The following PRAG1 variants were observed in gnomAD, a reference collection of about 807,000 sequenced individuals.
PRAG1 encodes the protein inactive tyrosine-protein kinase PRAG1.
PRAG1 carries 110 observed loss-of-function variants against 95.6 expected under a neutral mutation model. That is an observed-to-expected ratio of 1.15 (90% CI 0.99 to 1.35). The LOEUF (loss-of-function observed/expected upper bound fraction) is 1.35, where lower values mean the gene tolerates loss of function less well. Ranked by LOEUF, PRAG1 falls within the 40% of genes most tolerant of loss-of-function variation. PRAG1 has a pLI of 0.00. For missense variants in PRAG1, 2,554 were observed against 1,864.7 expected (o/e 1.37, Z -6.81); for synonymous variants, 1,052 against 819.4 (o/e 1.28, Z -4.85).
chr8:8,342,950 A>T (rs1799220307), intron 3 of PRAG1, among the ~76,000 whole-genome samples: 1 of 152,190 alleles, frequency 6.6e-6, no homozygotes, highest in South Asian at 2.1e-4. Context: ...AAAAGTCACC[A>T]TTAAAAAGTG....
intron 3 of PRAG1, among the ~76,000 whole-genome samples, chr8:8,349,765 C>T (rs1799459961): frequency 6.6e-6 from 1 of 152,064 alleles, no homozygotes; most frequent in Non-Finnish European, 1.5e-5. Context: ...GTCAGATGAC[C>T]TCTGTGGTCC....
At position 8,377,277 on chromosome 8, in the gene PRAG1, G is replaced by A; in HGVS notation, c.1132C>T (p.Gln378Ter). 1 of 1,612,908 alleles carries A rather than the reference G, an allele frequency of 6.2e-7. No homozygotes were observed. The highest frequency in any genetic ancestry group is 8.5e-7 in the Non-Finnish European group (1 of 1,179,962). The change falls in exon 3 of 6, where the codon CAG becomes TAG. Residue 378 changes from glutamine to a stop codon, truncating the protein, a stop_gained. Transcript: ENST00000615670. LOFTEE classifies it high-confidence loss of function. ...LMKEPAPEKQ[Q>*]DPGCPGVTPS... Reference sequence around the variant, plus strand: ...GTCACCCCTGGGCAGCCAGGGTCCTGCTGCTTCTCTGGGGCAGGTTCCTTC... The same window carrying A: ...GTCACCCCTGGGCAGCCAGGGTCCTACTGCTTCTCTGGGGCAGGTTCCTTC...
chr8:8,320,034 C>A (rs1798425410), intron 5 of PRAG1, among the ~76,000 whole-genome samples: 2 of 152,182 alleles, frequency 1.3e-5, no homozygotes, highest in Non-Finnish European at 2.9e-5. Flanking sequence ...TTGTTAGTTT[C>A]TTAAAAAGTT....
Position 8,319,177 on chromosome 8 carries a change from G to A in PRAG1, c.3198C>T (p.Pro1066=), listed in dbSNP as rs1039291622. 2 of 1,602,754 alleles carry A rather than the reference G, an allele frequency of 1.2e-6. No individual in the cohort carries two copies. Among genetic ancestry groups the A allele is most frequent in the South Asian group, 1.1e-5 (1 of 90,054 alleles). Residue 1066 remains proline (P), a synonymous_variant, in exon 6 of 6, where the codon CCC becomes CCT. Coordinates refer to ENST00000615670, the MANE Select transcript of PRAG1 (RefSeq NM_001080826.3). ...ASVPSSMLSS[P]DAPKDPVPAL... is the part of the protein sequence containing the mutation. ...CAGGCACAGGGTCCTTGGGCGCGTC[G>A]GGGGAGCTGAGCATGCTGGACGGCA... is the stretch of plus-strand genomic sequence containing the variant.
At position 8,381,790 on chromosome 8, in the gene PRAG1, T is replaced by C. The variant is rs1484254159; in HGVS notation, c.-43A>G. 1.3e-6 allele frequency: 2 copies of C among 1,489,944 alleles called. No homozygotes were observed. Among genetic ancestry groups the C allele is most frequent in the Non-Finnish European group, 1.8e-6 (2 of 1,111,404 alleles). 92.3% of individuals were successfully genotyped at this position (1,489,944 alleles called of 1,614,324 possible). ...CTGGTTCATCTTGCGCCCGGCTCTCTGGTGCAGTTTTGTGGGATTCAGAGG... is the reference window on the plus strand; with the variant it reads ...CTGGTTCATCTTGCGCCCGGCTCTCCGGTGCAGTTTTGTGGGATTCAGAGG... On this transcript the variant is annotated 5_prime_UTR_variant, in exon 2 of 6. Transcript: ENST00000615670.
Position 8,318,441 on chromosome 8 carries a change from G to C in PRAG1, c.3934C>G (p.Pro1312Ala), listed in dbSNP as rs772190910. The change falls in exon 6 of 6, where the codon CCC (proline) becomes GCC (alanine). Residue 1312 changes from proline to alanine, a missense_variant. Transcript: ENST00000615670. The surrounding 1 kb of genome is among the most constrained non-coding windows in gnomAD (Gnocchi z 4.2). ...QLAHLLLEAD[P>A]IKRIRIGEAK... ...TCGCCGATGCGGATACGCTTGATGGGGTCGGCCTCCAGTAGCAGATGTGCC... is the reference window on the plus strand; with the variant it reads ...TCGCCGATGCGGATACGCTTGATGGCGTCGGCCTCCAGTAGCAGATGTGCC... 1 of 1,612,570 alleles carries C rather than the reference G, an allele frequency of 6.2e-7. No homozygotes were observed. The highest frequency in any genetic ancestry group is 8.5e-7 in the Non-Finnish European group (1 of 1,179,812).
intron 3 of PRAG1, among the ~76,000 whole-genome samples, chr8:8,360,382 C>T (rs1799807699): frequency 6.6e-6 from 1 of 152,162 alleles, no homozygotes; most frequent in African/African-American, 2.4e-5. Context: ...ACTGACCTTG[C>T]CTTCATTCTC....
rs1800487681 is a variant in PRAG1 at position 8,377,966 on chromosome 8, G to A, written c.443C>T (p.Ser148Phe). ...GGGACAGCGAGAATTGCCATCAGGG[G>A]AGGTAGAGGGACCAGCAGGCTTCTG... ...GVQKPAGPST[S>F]PDGNSRCPPA... Residue 148 changes from serine (S) to phenylalanine (F), a missense_variant, in exon 3 of 6, where the codon TCC becomes TTC. Physicochemically the swap from Ser to Phe is radical, Grantham distance 155 (BLOSUM62 -2). Transcript: ENST00000615670. The A allele has an allele frequency of 3.7e-6, 6 of 1,613,624 alleles. No homozygotes were observed. The highest frequency in any genetic ancestry group is 1.7e-5 in the Admixed American group (1 of 59,974).
intron 3 of PRAG1, among the ~76,000 whole-genome samples, chr8:8,363,079 A>ATG (rs201002747): frequency 0.023 from 3,324 of 144,784 alleles, 103 homozygotes; most frequent in African/African-American, 0.073. Context: ...ATAGATATAT[A>ATG]TATGTGTGCG....
intron 3 of PRAG1, among the ~76,000 whole-genome samples, chr8:8,362,383 G>A (rs1799871025): frequency 6.6e-6 from 1 of 152,214 alleles, no homozygotes; most frequent in African/African-American, 2.4e-5. Context: ...TCACACCCCT[G>A]TGACGTTTCT....
intron 3 of PRAG1, among the ~76,000 whole-genome samples, chr8:8,350,388 A>C (rs1799483127): frequency 6.6e-6 from 1 of 152,244 alleles, no homozygotes; most frequent in South Asian, 2.1e-4. Context: ...CCTAAGAACA[A>C]CGTGTTCCAA....
chr8:8,351,075 T>C (rs1231438497), intron 3 of PRAG1, among the ~76,000 whole-genome samples: 1 of 152,106 alleles, frequency 6.6e-6, no homozygotes, highest in African/African-American at 2.4e-5. Flanking sequence ...GACTGGGTAA[T>C]GTATAAAGAA....
intron 3 of PRAG1, among the ~76,000 whole-genome samples, chr8:8,370,287 T>C (rs1384496263): frequency 6.6e-6 from 1 of 152,244 alleles, no homozygotes; most frequent in Non-Finnish European, 1.5e-5. Flanking sequence ...AATTTGCCCC[T>C]GGCATGGCAC....
intron 4 of PRAG1, among the ~76,000 whole-genome samples, chr8:8,334,212 G>A (rs1415501645): frequency 6.6e-6 from 1 of 152,206 alleles, no homozygotes; most frequent in Non-Finnish European, 1.5e-5. Context: ...GGTGAGCTGA[G>A]GCAGGCGGAT....
At chr8:8,360,974 G>A (rs1201479724) in intron 3 of PRAG1, among the ~76,000 whole-genome samples, 1 of 152,042 alleles carries the variant, frequency 6.6e-6, no homozygotes, top group Non-Finnish European at 1.5e-5. Context: ...GCGGCTCTGT[G>A]GATCATATTT....
chr8:8,322,873 A>G (rs1288386614), intron 5 of PRAG1, among the ~76,000 whole-genome samples: 1 of 152,166 alleles, frequency 6.6e-6, no homozygotes, highest in Non-Finnish European at 1.5e-5. Context: ...GTATTGATTG[A>G]TAACTGTGTC....
At chr8:8,349,818 T>G (rs1201147021) in intron 3 of PRAG1, among the ~76,000 whole-genome samples, 1 of 152,158 alleles carries the variant, frequency 6.6e-6, no homozygotes, top group East Asian at 1.9e-4. Flanking sequence ...GTTAATGCAC[T>G]AGTGACTCTT....
Position 8,318,493 on chromosome 8 carries a change from G to C in PRAG1, c.3882C>G (p.Ser1294=). The change falls in exon 6 of 6, where the codon TCC becomes TCG. Residue 1294 remains serine (S), a synonymous_variant. Coordinates refer to ENST00000615670, the MANE Select transcript of PRAG1 (RefSeq NM_001080826.3). The surrounding 1 kb of genome is among the most constrained non-coding windows in gnomAD (Gnocchi z 4.2). The part of the protein sequence containing the change: ...QEDLPPLPAL[S]LYSPGLQQLA... The stretch of plus-strand genomic sequence containing the variant: ...GCTGCTGCAGGCCGGGTGAGTAGAG[G>C]GACAGCGCGGGCAGCGGCGGCAGGT... 1 of 1,612,310 alleles carries C rather than the reference G, an allele frequency of 6.2e-7. No individual in the cohort carries two copies.
At position 8,318,270 on chromosome 8, in the gene PRAG1, T is replaced by C; in HGVS notation, c.4105A>G (p.Lys1369Glu). Residue 1369 changes from lysine (K) to glutamate (E), a missense_variant, in exon 6 of 6, where the codon AAG becomes GAG. By Grantham distance (56) the Lys-to-Glu change is moderately conservative. Coordinates refer to ENST00000615670, the MANE Select transcript of PRAG1 (RefSeq NM_001080826.3). The surrounding 1 kb of genome is among the most constrained non-coding windows in gnomAD (Gnocchi z 4.2). ...RALMMMKFAE[K>E]AVDRRRGVEL... is the part of the protein sequence containing the mutation. ...ACGCCCCGCCTGCGATCCACCGCCT[T>C]CTCCGCAAACTTCATCATCATCAGG... The C allele has an allele frequency of 6.2e-7, 1 of 1,614,188 alleles. No individual in the cohort carries two copies. The highest frequency in any genetic ancestry group is 1.7e-5 in the Admixed American group (1 of 60,026).
Sources: gnomAD v4.1 joint callset for allele counts (sites outside exome capture counted in the v4.1 genomes callset) on GRCh38, gnomAD v4.1.1 for gene constraint, Gnocchi (gnomAD v3.1) non-coding constraint, MANE v1.5 for transcripts, NCBI Gene and HGNC (gene_info 2026-07-23, HGNC 2026-07-21) for gene names.